Variants in DEFB110 observed in about 807,000 individuals in gnomAD.
DEFB110 encodes the protein beta-defensin 110.
Under a neutral mutation model 2.5 loss-of-function variants are expected in DEFB110, and 4 were observed. That is an observed-to-expected ratio of 1.60 (90% confidence interval 0.79 to 3.66). The LOEUF (loss-of-function observed/expected upper bound fraction) is 3.66. Ranked by LOEUF, DEFB110 falls within the 30% of genes most tolerant of loss-of-function variation. DEFB110 has a pLI of 0.01. For missense variants in DEFB110, 94 were observed against 75.4 expected, an observed-to-expected ratio of 1.25 and a Z score of -0.91; for synonymous variants, 29 against 21.8, an observed-to-expected ratio of 1.33 and a Z score of -0.92.
At chr6:50,009,233 A>G in exon 2 of DEFB110, 1 of 1,607,704 alleles carries the variant, frequency 6.2e-7, no homozygotes, top group Non-Finnish European at 8.5e-7. Flanking sequence ...ACTTTTTCGC[A>G]TCTTTCAAAT....
At chr6:50,014,951 G>C (rs2113939323), downstream of DEFB110, among the ~76,000 whole-genome samples, 1 of 151,888 alleles carries the variant, frequency 6.6e-6, no homozygotes, top group South Asian at 2.1e-4. Context: ...CTCATTTTCT[G>C]TCTCTTCTCT....
downstream of DEFB110, chr6:50,018,761 T>C (rs73739907): frequency 2.3e-3 from 2,740 of 1,205,724 alleles, 68 homozygotes; most frequent in African/African-American, 0.037. Context: ...ATAAAATAAG[T>C]CCTGCTACTT....
In DEFB110 at chr6:50,018,976, G is replaced by A. The variant is rs761064329; in HGVS notation, c.*1C>T. 1.2e-5 allele frequency: 20 copies of A among 1,608,034 alleles called. No individual in the cohort carries two copies. Among genetic ancestry groups the A allele is most frequent in the African/African-American group, 1.1e-4 (8 of 74,706 alleles). On this transcript the variant is annotated 3_prime_UTR_variant, in exon 2 of 2. Coordinates refer to ENST00000371148, the MANE Select transcript of DEFB110 (RefSeq NM_001037497.2). Reference sequence around the variant, plus strand: ...CTTGTGACTCTTTTCTTCTGTCATCGTTACTGCTGCAAGCAGCAATGAGTT... The same window carrying A: ...CTTGTGACTCTTTTCTTCTGTCATCATTACTGCTGCAAGCAGCAATGAGTT...
At chr6:50,011,391 C>T (rs774886253) in intron 1 of DEFB110, among the ~76,000 whole-genome samples, 10 of 151,902 alleles carry the variant, frequency 6.6e-5, no homozygotes, top group Non-Finnish European at 1.2e-4. Flanking sequence ...AGAAATTGAG[C>T]CCATGATAAC....
At chr6:50,018,226 A>AT (rs1774351668), downstream of DEFB110, among the ~76,000 whole-genome samples, 3 of 151,910 alleles carry the variant, frequency 2.0e-5, no homozygotes, top group Non-Finnish European at 2.9e-5. Flanking sequence ...TCCTTTTGTC[A>AT]TGGATCTCCT....
intron 1 of DEFB110, among the ~76,000 whole-genome samples, chr6:50,011,604 C>G (rs1774229534): frequency 6.6e-6 from 1 of 151,994 alleles, no homozygotes; most frequent in African/African-American, 2.4e-5. Context: ...GCAGTGGTCT[C>G]CATGACTCAA....
At chr6:50,014,630 T>C (rs1774285124), downstream of DEFB110, among the ~76,000 whole-genome samples, 1 of 151,802 alleles carries the variant, frequency 6.6e-6, no homozygotes, top group African/African-American at 2.4e-5. Flanking sequence ...TACAGCCTAC[T>C]CAACTTACTC....
chr6:50,014,127 T>C (rs1271386784), downstream of DEFB110, among the ~76,000 whole-genome samples: 1 of 151,852 alleles, frequency 6.6e-6, no homozygotes, highest in African/African-American at 2.4e-5. Context: ...TAGAAGACTA[T>C]CAAAATAGAT....
downstream of DEFB110, among the ~76,000 whole-genome samples, chr6:50,014,058 G>T (rs1018098736): frequency 6.6e-6 from 1 of 151,716 alleles, no homozygotes; most frequent in Non-Finnish European, 1.5e-5. Flanking sequence ...TATAGAGAAA[G>T]CACATCAAAA....
At chr6:50,019,348 A>T (rs545888832) in intron 1 of DEFB110, among the ~76,000 whole-genome samples, 37 of 152,210 alleles carry the variant, frequency 2.4e-4, no homozygotes, top group Admixed American at 1.6e-3. Context: ...CTTACAAGAA[A>T]CTGGGCAGTG....
At chr6:50,017,763 C>G (rs1774342044), downstream of DEFB110, among the ~76,000 whole-genome samples, 1 of 151,768 alleles carries the variant, frequency 6.6e-6, no homozygotes, top group Non-Finnish European at 1.5e-5. Context: ...TATAAGCATA[C>G]TTAAATCTCA....
chr6:50,018,581 A>G (rs1003087748), downstream of DEFB110, among the ~76,000 whole-genome samples: 5 of 151,978 alleles, frequency 3.3e-5, no homozygotes, highest in African/African-American at 4.8e-5. Context: ...GTGGAACAGT[A>G]TCTAATAAAA....
chr6:50,016,667 G>A (rs1315635892), downstream of DEFB110, among the ~76,000 whole-genome samples: 2 of 151,346 alleles, frequency 1.3e-5, no homozygotes, highest in African/African-American at 4.8e-5. Context: ...CATCAAAAGG[G>A]TTTCTAGAGT....
At chr6:50,009,395 C>T (rs985024212) in intron 1 of DEFB110, 20 of 977,854 alleles carry the variant, frequency 2.0e-5, no homozygotes, top group East Asian at 2.7e-5. Context: ...GACAATGGAA[C>T]GTCAAGTTGT....
rs555727493 is a variant in DEFB110, at chr6:50,019,812, C to T, written c.56-687G>A. On this transcript the variant is annotated intron_variant, in intron 1 of 1. Coordinates refer to ENST00000371148, the MANE Select transcript of DEFB110 (RefSeq NM_001037497.2). Reference sequence around the variant, plus strand: ...CAATTTCTGTCAATTACTGTGTGTACTATTAAACCTTTTGACTAGGAATCA... The same window carrying T: ...CAATTTCTGTCAATTACTGTGTGTATTATTAAACCTTTTGACTAGGAATCA... Among the ~76,000 whole-genome samples the T allele has an allele frequency of 3.9e-5, 6 of 151,956 alleles. No homozygotes were observed. The East Asian group carries it at 9.6e-4, about 24-fold the overall frequency.
chr6:50,019,740 CT>C (rs34603092), intron 1 of DEFB110, among the ~76,000 whole-genome samples: 48 of 151,182 alleles, frequency 3.2e-4, no homozygotes, highest in Admixed American at 6.6e-4. Flanking sequence ...CCAGTGATAC[CT>C]TTTTTTTTCT....
Position 50,019,106 on chromosome 6 carries a change from C to T in DEFB110, c.75G>A (p.Glu25=), listed in dbSNP as rs140096930. ...TILPAKKKYP[E]YGSLDLRREC... ...CTCTCCTCAAGTCCAAGCTACCATACTCAGGATATTTCTTTTTGGCTGTAA... is the reference window on the plus strand; with the variant it reads ...CTCTCCTCAAGTCCAAGCTACCATATTCAGGATATTTCTTTTTGGCTGTAA... The change falls in exon 2 of 2, where the codon GAG becomes GAA. Residue 25 remains glutamate (E), a synonymous_variant. Coordinates refer to ENST00000371148, the MANE Select transcript of DEFB110 (RefSeq NM_001037497.2). The T allele has an allele frequency of 3.7e-5, 59 of 1,612,464 alleles. No homozygotes were observed. Among genetic ancestry groups the T allele is most frequent in the Non-Finnish European group, 4.7e-5 (56 of 1,179,102 alleles).
In DEFB110 at chr6:50,018,935, G is replaced by T. The variant is rs552388748; in HGVS notation, c.*42C>A. 1 of 1,581,958 alleles carries T rather than the reference G, an allele frequency of 6.3e-7. No individual in the cohort carries two copies. The highest frequency in any genetic ancestry group is 8.6e-7 in the Non-Finnish European group (1 of 1,166,512). ...GTGCTGGGAAAACTTAATAACGCTG[G>T]TCTCTCTTCTTGGAGCTTGTGACTC... On this transcript the variant is annotated 3_prime_UTR_variant, in exon 2 of 2. Transcript: ENST00000371148.
chr6:50,009,850 C>G (rs1251435776), intron 1 of DEFB110, among the ~76,000 whole-genome samples: 2 of 152,048 alleles, frequency 1.3e-5, no homozygotes, highest in Admixed American at 1.3e-4. Context: ...AAAGTGGAGC[C>G]TCACATTAGT....
Sources: allele counts gnomAD v4.1 joint callset (sites outside exome capture counted in the v4.1 genomes callset), GRCh38; gene constraint gnomAD v4.1.1; transcripts MANE v1.5; gene names NCBI Gene and HGNC (gene_info 2026-07-23, HGNC 2026-07-21).